Variants in PAK1IP1 observed in about 807,000 individuals in gnomAD.
PAK1IP1 encodes PAK1 interacting protein 1, also known as p21-activated protein kinase-interacting protein 1.
A neutral mutation model predicts 42.0 loss-of-function variants in PAK1IP1; 24 were observed. That is an observed-to-expected ratio of 0.57 (90% CI 0.41 to 0.80). The LOEUF (loss-of-function observed/expected upper bound fraction) is 0.80. PAK1IP1 is among the 30% of genes least tolerant of loss of function. The pLI, the probability that PAK1IP1 is intolerant of heterozygous loss-of-function variation, is 0.00. For synonymous variants in PAK1IP1, 154 were observed against 156.7 expected (o/e 0.98, Z 0.13); for missense variants, 411 against 467.9 (o/e 0.88, Z 1.12).
chr6:10,694,756 C>A, upstream of PAK1IP1: 1 of 462,884 alleles, frequency 2.2e-6, no homozygotes, highest in Non-Finnish European at 3.9e-6. Context: ...CAGTGAGAAC[C>A]TCCTCATGTG....
At chr6:10,705,383 A>G (rs895874878) in intron 7 of PAK1IP1, among the ~76,000 whole-genome samples, 4 of 152,172 alleles carry the variant, frequency 2.6e-5, no homozygotes, top group Non-Finnish European at 5.9e-5. Flanking sequence ...TACACAAGGT[A>G]TTTTTTAAAT....
In PAK1IP1 at chr6:10,707,472, G is replaced by A. The variant is rs748458637; in HGVS notation, c.798G>A (p.Ser266=). The A allele has an allele frequency of 8.7e-6, 14 of 1,611,102 alleles. No homozygotes were observed. Among genetic ancestry groups the A allele is most frequent in the African/African-American group, 2.7e-5 (2 of 74,886 alleles). Residue 266 remains serine (S), a synonymous_variant, in exon 8 of 10, where the codon TCG becomes TCA. Coordinates refer to ENST00000379568, the MANE Select transcript of PAK1IP1 (RefSeq NM_017906.3). The part of the protein sequence containing the change: ...IPEHHVIVSA[S]SDGFIKMWKL... ...AGCATCATGTTATTGTTTCAGCATC[G>A]AGTGATGGTTTCATCAAAATGTGGA...
chr6:10,706,786 G>A (rs760204441), intron 7 of PAK1IP1, among the ~76,000 whole-genome samples: 1 of 152,168 alleles, frequency 6.6e-6, no homozygotes, highest in Non-Finnish European at 1.5e-5. Context: ...GGGAGGCTGA[G>A]GCAGGAGAAT....
Position 10,694,977 on chromosome 6 carries a change from C to T in PAK1IP1, c.-9C>T, listed in dbSNP as rs1382400401. Reference sequence around the variant, plus strand: ...GCCGGGCTGGCGGAAGAGGCACGTGCGCTGCTGAATGGAGCTGGTCGCTGG... The same window carrying T: ...GCCGGGCTGGCGGAAGAGGCACGTGTGCTGCTGAATGGAGCTGGTCGCTGG... On this transcript the variant is annotated 5_prime_UTR_variant, in exon 1 of 10. Coordinates refer to ENST00000379568, the MANE Select transcript of PAK1IP1 (RefSeq NM_017906.3). 4.4e-6 allele frequency: 7 copies of T among 1,587,060 alleles called. No homozygotes were observed. In the South Asian group the frequency reaches 5.5e-5, roughly 12 times the overall value.
upstream of PAK1IP1, among the ~76,000 whole-genome samples, chr6:10,694,010 G>A (rs1261455884): frequency 6.6e-6 from 1 of 152,202 alleles, no homozygotes; most frequent in Non-Finnish European, 1.5e-5. Context: ...TGCAATCCCA[G>A]CAACTTTGGG....
intron 5 of PAK1IP1, among the ~76,000 whole-genome samples, chr6:10,703,865 G>T (rs1770117693): frequency 6.6e-6 from 1 of 152,162 alleles, no homozygotes; most frequent in African/African-American, 2.4e-5. Flanking sequence ...TTTTACATGT[G>T]TGTATGTTAC....
Position 10,709,602 on chromosome 6 carries a change from T to TAA in PAK1IP1, c.*150_*151insAA, listed in dbSNP as rs1561896271. ...AAAAACCACTTTTAGATGGTTTTTTTTAAAAAAAAAAAAAAAACTGGTAAA... is the reference window on the plus strand; with the variant it reads ...AAAAACCACTTTTAGATGGTTTTTTTAATAAAAAAAAAAAAAAAACTGGTAAA... On this transcript the variant is annotated 3_prime_UTR_variant, in exon 10 of 10. Coordinates refer to ENST00000379568, the MANE Select transcript of PAK1IP1 (RefSeq NM_017906.3). 1.4e-3 allele frequency: 515 copies of TAA among 360,912 alleles called. 3 individuals are homozygous for TAA. In the African/African-American group the frequency reaches 0.015, roughly 11 times the overall value. The allele number at this position is 360,912 out of a possible 1,614,324, so 22.4% of individuals were successfully genotyped here. A position where few individuals can be genotyped will look rare whatever the true frequency, so the allele number is the denominator to read the frequency against.
chr6:10,705,090 T>C (rs1251461230), intron 7 of PAK1IP1, among the ~76,000 whole-genome samples: 1 of 152,118 alleles, frequency 6.6e-6, no homozygotes, highest in Non-Finnish European at 1.5e-5. Flanking sequence ...TTTGGGAGGC[T>C]GAGGCGGGCG....
At chr6:10,703,919 C>A (rs1231892122) in intron 5 of PAK1IP1, among the ~76,000 whole-genome samples, 1 of 152,180 alleles carries the variant, frequency 6.6e-6, no homozygotes, top group East Asian at 1.9e-4. Context: ...TGAGCAAATG[C>A]CTTGGGTTAC....
intron 8 of PAK1IP1, among the ~76,000 whole-genome samples, chr6:10,707,791 C>T (rs1770252821): frequency 6.6e-6 from 1 of 152,166 alleles, no homozygotes; most frequent in Non-Finnish European, 1.5e-5. Context: ...TCTCTGGAAG[C>T]TCTTAGGTAA....
chr6:10,709,619 ACTGG>A lies in PAK1IP1; in HGVS notation c.*168_*171del. On this transcript the variant is annotated 3_prime_UTR_variant, in exon 10 of 10. Transcript: ENST00000379568. ...GGTTTTTTTTAAAAAAAAAAAAAAA[ACTGG>A]TAAAATTACTTTTGGCAGACAGTGT... 4.8e-6 allele frequency: 2 copies of A among 416,900 alleles called. No homozygotes were observed. Among genetic ancestry groups the A allele is most frequent in the Non-Finnish European group, 4.1e-6 (1 of 243,734 alleles). 25.8% of individuals were successfully genotyped at this position (416,900 alleles called of 1,614,324 possible).
Position 10,709,506 on chromosome 6 carries a change from G to T in PAK1IP1, c.*54G>T. ...TTAGATGAAATCATTCTACTCAAAT[G>T]TACCTTAATTTTTTTTTTTTCCCTG... On this transcript the variant is annotated 3_prime_UTR_variant, in exon 10 of 10. Coordinates refer to ENST00000379568, the MANE Select transcript of PAK1IP1 (RefSeq NM_017906.3). 5 of 1,165,744 alleles carry T rather than the reference G, an allele frequency of 4.3e-6. No individual in the cohort carries two copies. Among genetic ancestry groups the T allele is most frequent in the Admixed American group, 3.1e-5 (1 of 31,902 alleles). The allele number at this position is 1,165,744 out of a possible 1,614,324, so 72.2% of individuals were successfully genotyped here.
upstream of PAK1IP1, among the ~76,000 whole-genome samples, chr6:10,694,106 CA>C (rs1769616088): frequency 6.6e-6 from 1 of 151,818 alleles, no homozygotes; most frequent in South Asian, 2.1e-4. Flanking sequence ...CTAAAAAATA[CA>C]AAATTAGCCA....
rs1302713674 is a variant in PAK1IP1 at position 10,709,425 on chromosome 6, A to G, written c.1152A>G (p.Lys384=). 1.2e-6 allele frequency: 2 copies of G among 1,611,464 alleles called. No individual in the cohort carries two copies. The highest frequency in any genetic ancestry group is 2.7e-5 in the African/African-American group (2 of 74,724). ...KMVEMLEKKR[K]KKKIKTMQ is the part of the protein sequence containing the mutation. ...TAGAAATGTTGGAAAAGAAGAGGAAAAAGAAGAAAATAAAAACAATGCAGT... is the reference window on the plus strand; with the variant it reads ...TAGAAATGTTGGAAAAGAAGAGGAAGAAGAAGAAAATAAAAACAATGCAGT... The change falls in exon 10 of 10, where the codon AAA becomes AAG. Residue 384 remains lysine, a synonymous_variant. Transcript: ENST00000379568.
At chr6:10,700,074 G>A (rs1181357592) in intron 2 of PAK1IP1, among the ~76,000 whole-genome samples, 1 of 151,658 alleles carries the variant, frequency 6.6e-6, no homozygotes, top group African/African-American at 2.4e-5. Flanking sequence ...TTTTGGCGGG[G>A]GCGGGGGGGC....
At position 10,703,426 on chromosome 6, in the gene PAK1IP1, A is replaced by C; in HGVS notation, c.465A>C (p.Gly155=). 6.2e-7 allele frequency: 1 copy of C among 1,611,820 alleles called. No homozygotes were observed. Among genetic ancestry groups the C allele is most frequent in the Non-Finnish European group, 8.5e-7 (1 of 1,178,410 alleles). The change falls in exon 5 of 10, where the codon GGA becomes GGC. Residue 155 remains glycine (G), a synonymous_variant. Transcript: ENST00000379568. ...GCAGAACGTGGAATCTTGTAGAAGG[A>C]AGATCAGCATTCATAAAAAATATAA... ...KTLRTWNLVE[G]RSAFIKNIKQ...
rs1770312276 is a variant in PAK1IP1, at chr6:10,709,422, G to A, written c.1149G>A (p.Arg383=). Residue 383 remains arginine (R), a synonymous_variant, in exon 10 of 10, where the codon AGG becomes AGA. Transcript: ENST00000379568. ...RKMVEMLEKK[R]KKKKIKTMQ is the part of the protein sequence containing the mutation. The stretch of plus-strand genomic sequence containing the variant: ...TGGTAGAAATGTTGGAAAAGAAGAG[G>A]AAAAAGAAGAAAATAAAAACAATGC... 3 of 1,608,786 alleles carry A rather than the reference G, an allele frequency of 1.9e-6. No homozygotes were observed. In the South Asian group the frequency reaches 3.3e-5, roughly 18 times the overall value.
In PAK1IP1 at chr6:10,704,500, C is replaced by T. The variant is rs1297046444; in HGVS notation, c.497-7C>T. The stretch of plus-strand genomic sequence containing the variant: ...AATAAATAAACTTCGTTTTTTTCCA[C>T]TTACAGATGCTCACATAGTAGAATG... On this transcript the variant is annotated splice_polypyrimidine_tract_variant and splice_region_variant and intron_variant, in intron 5 of 9. Transcript: ENST00000379568. 2.0e-6 allele frequency: 3 copies of T among 1,531,694 alleles called. No individual in the cohort carries two copies. Among genetic ancestry groups the T allele is most frequent in the South Asian group, 2.5e-5 (2 of 81,136 alleles). The allele number at this position is 1,531,694 out of a possible 1,614,324, so 94.9% of individuals were successfully genotyped here.
Position 10,702,678 on chromosome 6 carries a change from G to A in PAK1IP1, c.443+39G>A, listed in dbSNP as rs9467280. The A allele has an allele frequency of 0.023, 32,250 of 1,376,142 alleles. 3,332 individuals carry two copies. The African/African-American group carries it at 0.3, about 13-fold the overall frequency. The allele number at this position is 1,376,142 out of a possible 1,614,324, so 85.2% of individuals were successfully genotyped here. A position where few individuals can be genotyped will look rare whatever the true frequency, so the allele number is the denominator to read the frequency against. On this transcript the variant is annotated intron_variant, in intron 4 of 9. Coordinates refer to ENST00000379568, the MANE Select transcript of PAK1IP1 (RefSeq NM_017906.3). ...GCTCAAGAGCATTTATCTAAGGTGTGTGTTTTACTACAGCTCTCCACCATC... is the reference window on the plus strand; with the variant it reads ...GCTCAAGAGCATTTATCTAAGGTGTATGTTTTACTACAGCTCTCCACCATC...
Sources: allele counts gnomAD v4.1 joint callset (sites outside exome capture counted in the v4.1 genomes callset), GRCh38; gene constraint gnomAD v4.1.1; transcripts MANE v1.5; gene names NCBI Gene and HGNC (gene_info 2026-07-23, HGNC 2026-07-21).